The following WWTR1 variants were observed in gnomAD, a reference collection of about 807,000 sequenced individuals.
WWTR1 encodes the protein WW domain-containing transcription regulator protein 1.
In WWTR1, 13 loss-of-function variants were observed where a neutral mutation model predicts 40.1. The ratio of observed to expected loss-of-function variants is 0.32; its 90% CI spans 0.21 to 0.52. The LOEUF is 0.52. Among genes scored for constraint, WWTR1 ranks in the 20% least tolerant of loss-of-function variants. The pLI is 0.97. For synonymous variants in WWTR1, 230 were observed against 210.1 expected, an observed-to-expected ratio of 1.09 and a Z score of -0.82; for missense variants, 436 against 523.1, an observed-to-expected ratio of 0.83 and a Z score of 1.63.
intron 1 of WWTR1, among the ~76,000 whole-genome samples, chr3:149,690,097 C>T (rs1714768788): frequency 6.6e-6 from 1 of 151,950 alleles, no homozygotes; most frequent in Non-Finnish European, 1.5e-5. Flanking sequence ...TTGCAAGCCT[C>T]ATGGTAACCT....
intron 3 of WWTR1, among the ~76,000 whole-genome samples, chr3:149,566,827 A>C (rs1056947089): frequency 2.7e-5 from 4 of 149,722 alleles, no homozygotes; most frequent in Non-Finnish European, 4.4e-5. Flanking sequence ...AAAAAAAAAA[A>C]CACACATGTG....
At chr3:149,685,879 C>A (rs1352445609) in intron 1 of WWTR1, among the ~76,000 whole-genome samples, 1 of 152,102 alleles carries the variant, frequency 6.6e-6, no homozygotes, top group African/African-American at 2.4e-5. Context: ...GGGACAAAAT[C>A]AACTTGGGGT....
intron 1 of WWTR1, among the ~76,000 whole-genome samples, chr3:149,679,019 C>G (rs557787127): frequency 2.6e-5 from 4 of 151,970 alleles, no homozygotes; most frequent in Non-Finnish European, 5.9e-5. Context: ...TTAGTAGAAA[C>G]GGGGTTTCAC....
chr3:149,620,143 G>A (rs1740200404), intron 2 of WWTR1, among the ~76,000 whole-genome samples: 1 of 152,128 alleles, frequency 6.6e-6, no homozygotes, highest in Non-Finnish European at 1.5e-5. Context: ...TAGAGATGTT[G>A]CAAAACCCAA....
chr3:149,580,409 T>C (rs1221068449), intron 2 of WWTR1, among the ~76,000 whole-genome samples: 1 of 152,020 alleles, frequency 6.6e-6, no homozygotes, highest in African/African-American at 2.4e-5. Context: ...CACAATGCAA[T>C]GGGAGCTGAG....
At chr3:149,698,222 A>C (rs944607940) in intron 1 of WWTR1, among the ~76,000 whole-genome samples, 5 of 152,204 alleles carry the variant, frequency 3.3e-5, no homozygotes, top group Non-Finnish European at 5.9e-5. Context: ...TGTCAAGGGC[A>C]GGCCTAGGTG....
chr3:149,556,580 A>AAAAC (rs886583451), intron 3 of WWTR1, among the ~76,000 whole-genome samples: 2 of 152,130 alleles, frequency 1.3e-5, no homozygotes, highest in East Asian at 1.9e-4. Context: ...TGCCGTCTCA[A>AAAAC]AAACAAACAA....
Position 149,709,926 on chromosome 3 carries a change from G to T in WWTR1, n.585-6598C>A, listed in dbSNP as rs562139752. Reference sequence around the variant, plus strand: ...TCTCAAAAAAGAAAAGAAAAGAAAAGAACTAAGGACAGTTGGGCCTTCAGG... The same window carrying T: ...TCTCAAAAAAGAAAAGAAAAGAAAATAACTAAGGACAGTTGGGCCTTCAGG... On this transcript the variant is annotated intron_variant and non_coding_transcript_variant, in intron 5 of 6. Coordinates refer to the WWTR1 transcript ENST00000474080. 1.1e-4 allele frequency among the ~76,000 whole-genome samples: 16 copies of T among 152,202 alleles called. No homozygotes were observed. In the South Asian group the frequency reaches 2.9e-3, roughly 28 times the overall value.
At chr3:149,709,428 G>GT (rs1230533735) in intron 5 of WWTR1, among the ~76,000 whole-genome samples, 1 of 152,104 alleles carries the variant, frequency 6.6e-6, no homozygotes, top group African/African-American at 2.4e-5. Flanking sequence ...TTAGAGAAAT[G>GT]TATGTTCAAA....
At chr3:149,592,552 AG>A (rs1738779676) in intron 2 of WWTR1, among the ~76,000 whole-genome samples, 1 of 152,238 alleles carries the variant, frequency 6.6e-6, no homozygotes, top group Non-Finnish European at 1.5e-5. Flanking sequence ...GAGCTAATAT[AG>A]ATTAGAGAGA....
chr3:149,703,601 A>G (rs1267241219), upstream of WWTR1, among the ~76,000 whole-genome samples: 1 of 152,118 alleles, frequency 6.6e-6, no homozygotes, highest in Non-Finnish European at 1.5e-5. Context: ...TATACCCTCC[A>G]AGTCTCATGT....
intron 2 of WWTR1, among the ~76,000 whole-genome samples, chr3:149,617,953 A>C (rs545500614): frequency 6.6e-6 from 1 of 152,322 alleles, no homozygotes; most frequent in African/African-American, 2.4e-5. Context: ...TTATTATAGT[A>C]CATGCACATA....
intron 1 of WWTR1, among the ~76,000 whole-genome samples, chr3:149,674,273 T>C (rs1714191673): frequency 6.7e-6 from 1 of 149,738 alleles, no homozygotes; most frequent in Non-Finnish European, 1.5e-5. Context: ...CTCTATCTCT[T>C]TCTCTCTCAC....
At chr3:149,667,022 T>A (rs1451950012) in intron 2 of WWTR1, among the ~76,000 whole-genome samples, 1 of 152,202 alleles carries the variant, frequency 6.6e-6, no homozygotes, top group Non-Finnish European at 1.5e-5. Flanking sequence ...AGTTGTCTCC[T>A]CCCTCTCATT....
chr3:149,689,161 C>T (rs1714739344), intron 1 of WWTR1, among the ~76,000 whole-genome samples: 1 of 151,966 alleles, frequency 6.6e-6, no homozygotes, highest in African/African-American at 2.4e-5. Flanking sequence ...GTGGGTGGAT[C>T]ACTTGAGCTC....
chr3:149,528,026 A>C, intron 4 of WWTR1, 57 bp from the exon 5 acceptor site: 1 of 1,575,522 alleles, frequency 6.3e-7, no homozygotes, highest in Non-Finnish European at 8.6e-7. Flanking sequence ...GCATGGAGCA[A>C]AGTGTACTTC....
At chr3:149,555,889 G>A (rs1278089995) in intron 3 of WWTR1, among the ~76,000 whole-genome samples, 1 of 152,206 alleles carries the variant, frequency 6.6e-6, no homozygotes, top group South Asian at 2.1e-4. Context: ...TAAGGGATTT[G>A]AACAAAGAAA....
chr3:149,703,465 C>G (rs970926994), upstream of WWTR1: 4 of 152,328 alleles, frequency 2.6e-5, no homozygotes, highest in East Asian at 7.7e-4. Flanking sequence ...CAAAGCTATT[C>G]TCAGGCACAT....
At chr3:149,571,972 A>C (rs540633031) in intron 3 of WWTR1, among the ~76,000 whole-genome samples, 1 of 152,320 alleles carries the variant, frequency 6.6e-6, no homozygotes, top group African/African-American at 2.4e-5. Flanking sequence ...AGTGGGGATA[A>C]TTTTAGCAGA....
Sources: gnomAD v4.1 joint callset for allele counts (sites outside exome capture counted in the v4.1 genomes callset) on GRCh38, gnomAD v4.1.1 for gene constraint, MANE v1.5 for transcripts, NCBI Gene and HGNC (gene_info 2026-07-23, HGNC 2026-07-21) for gene names.